Variants in B3GAT2 observed in about 807,000 individuals in gnomAD.
The protein encoded by B3GAT2 is beta-1,3-glucuronyltransferase 2, also known as galactosylgalactosylxylosylprotein 3-beta-glucuronosyltransferase 2.
Under a neutral mutation model 27.8 loss-of-function variants are expected in B3GAT2, and 26 were observed. The observed-to-expected ratio is 0.93, with a 90% CI of 0.68 to 1.30. The LOEUF is 1.30. B3GAT2 is among the 50% of genes most tolerant of loss of function. The pLI is 0.00. For missense variants in B3GAT2, 458 were observed against 459.0 expected (o/e 1.00, Z 0.02); for synonymous variants, 218 against 195.1 (o/e 1.12, Z -0.98).
chr6:70,900,661 C>T (rs985271384), intron 1 of B3GAT2, among the ~76,000 whole-genome samples: 2 of 152,186 alleles, frequency 1.3e-5, no homozygotes, highest in African/African-American at 4.8e-5. Context: ...TCTTTTCGAC[C>T]CTCCTTGGGA....
intron 1 of B3GAT2, among the ~76,000 whole-genome samples, chr6:70,934,103 T>G (rs534964925): frequency 6.6e-6 from 1 of 152,300 alleles, no homozygotes; most frequent in South Asian, 2.1e-4. Context: ...ATGGGAGCCT[T>G]TGGCTCAGTC....
chr6:70,935,551 C>T (rs1246578432), intron 1 of B3GAT2, among the ~76,000 whole-genome samples: 1 of 151,958 alleles, frequency 6.6e-6, no homozygotes, highest in Non-Finnish European at 1.5e-5. Context: ...AAACTGTTAA[C>T]AATATTTATA....
chr6:70,862,025 A>ACTT (rs1393140526), intron 2 of B3GAT2, 47 bp from the exon 3 acceptor site: 3 of 1,516,520 alleles, frequency 2.0e-6, no homozygotes, highest in Admixed American at 4.4e-5. Context: ...ATCCTGGTGT[A>ACTT]CTTCTCTTTT....
intron 1 of B3GAT2, among the ~76,000 whole-genome samples, chr6:70,897,666 A>AT (rs1772412080): frequency 8.7e-5 from 7 of 80,090 alleles, no homozygotes; most frequent in Non-Finnish European, 1.8e-4. Flanking sequence ...TTGAAAAAAA[A>AT]AAAAATATAT....
At chr6:70,945,417 A>T (rs1400368984) in intron 1 of B3GAT2, among the ~76,000 whole-genome samples, 4 of 152,180 alleles carry the variant, frequency 2.6e-5, no homozygotes, top group Non-Finnish European at 5.9e-5. Flanking sequence ...CAAGAACTAC[A>T]TGAAGAATGC....
At chr6:70,930,453 G>A (rs991726823) in intron 1 of B3GAT2, among the ~76,000 whole-genome samples, 13 of 152,006 alleles carry the variant, frequency 8.6e-5, no homozygotes, top group African/African-American at 3.1e-4. Flanking sequence ...TCTGACAAAG[G>A]GCTAATATCC....
chr6:70,938,921 C>T (rs1198063393), intron 1 of B3GAT2, among the ~76,000 whole-genome samples: 3 of 151,628 alleles, frequency 2.0e-5, no homozygotes, highest in African/African-American at 4.8e-5. Context: ...AACTAAAGAG[C>T]TTCTGCACAG....
chr6:70,873,773 A>C (rs1439608498), intron 2 of B3GAT2, among the ~76,000 whole-genome samples: 1 of 152,064 alleles, frequency 6.6e-6, no homozygotes, highest in Non-Finnish European at 1.5e-5. Flanking sequence ...GATCATATCA[A>C]TTTATCTATG....
intron 1 of B3GAT2, among the ~76,000 whole-genome samples, chr6:70,912,225 A>G (rs947641679): frequency 1.3e-4 from 20 of 152,112 alleles, no homozygotes; most frequent in African/African-American, 4.8e-4. Context: ...GAATGCTTCC[A>G]GCTTTTGCTC....
In B3GAT2 at chr6:70,857,144, T is replaced by G; in HGVS notation, c.*4519A>C. Reference sequence around the variant, plus strand: ...TGTTCCATGTAGTGAGTGCTTTTGTTGTTGCAGTTTATACAACTATGAAGC... The same window carrying G: ...TGTTCCATGTAGTGAGTGCTTTTGTGGTTGCAGTTTATACAACTATGAAGC... On this transcript the variant is annotated 3_prime_UTR_variant, in exon 4 of 4. Transcript: ENST00000230053. 2 of 1,084,506 alleles carry G rather than the reference T, an allele frequency of 1.8e-6. No homozygotes were observed. Among genetic ancestry groups the G allele is most frequent in the Non-Finnish European group, 2.5e-6 (2 of 801,584 alleles). The allele number at this position is 1,084,506 out of a possible 1,614,324, so 67.2% of individuals were successfully genotyped here.
At chr6:70,881,501 C>T (rs1772098054) in intron 2 of B3GAT2, among the ~76,000 whole-genome samples, 1 of 152,128 alleles carries the variant, frequency 6.6e-6, no homozygotes, top group Non-Finnish European at 1.5e-5. Context: ...ATTTTAGGTA[C>T]ACCTGTGGCC....
At chr6:70,941,299 T>C (rs1449764747) in intron 1 of B3GAT2, among the ~76,000 whole-genome samples, 1 of 152,176 alleles carries the variant, frequency 6.6e-6, no homozygotes, top group Non-Finnish European at 1.5e-5. Flanking sequence ...CAGTCACCCA[T>C]AGTGGAAAGA....
chr6:70,886,304 A>G (rs1582352695), intron 2 of B3GAT2, among the ~76,000 whole-genome samples: 1 of 152,176 alleles, frequency 6.6e-6, no homozygotes, highest in East Asian at 1.9e-4. Context: ...TAAAACTAGC[A>G]TATCCCTTGC....
intron 1 of B3GAT2, among the ~76,000 whole-genome samples, chr6:70,934,856 C>T: frequency 6.6e-6 from 1 of 152,162 alleles, no homozygotes; most frequent in East Asian, 1.9e-4. Context: ...ATCCATGTCA[C>T]TAAGAAATCT....
rs1765660524 is a variant in B3GAT2 at position 70,956,489 on chromosome 6, G to A, written c.-60C>T. The A allele has an allele frequency of 1.9e-6, 3 of 1,547,050 alleles. No homozygotes were observed. Among genetic ancestry groups the A allele is most frequent in the Non-Finnish European group, 2.6e-6 (3 of 1,145,814 alleles). ...GAGGGGCGAGCCGAGGGACCCCAGT[G>A]CGCAGCTTGGACAGCGGCGGCGCCA... On this transcript the variant is annotated 5_prime_UTR_variant, in exon 1 of 4. Transcript: ENST00000230053.
chr6:70,872,613 C>A (rs1771956055), intron 2 of B3GAT2, among the ~76,000 whole-genome samples: 1 of 150,904 alleles, frequency 6.6e-6, no homozygotes, highest in African/African-American at 2.4e-5. Context: ...TTGTAGACAG[C>A]ATATAGTTGG....
intron 1 of B3GAT2, among the ~76,000 whole-genome samples, chr6:70,921,354 T>C (rs1772867849): frequency 6.6e-6 from 1 of 152,248 alleles, no homozygotes; most frequent in Non-Finnish European, 1.5e-5. Context: ...GATTCTTTCC[T>C]CAGCTTGGTC....
Position 70,858,042 on chromosome 6 carries a change from G to GA in B3GAT2, c.*3620dup. On this transcript the variant is annotated 3_prime_UTR_variant, in exon 4 of 4. Transcript: ENST00000230053. The stretch of plus-strand genomic sequence containing the variant: ...CCTGGCCTTATAGGAAATGTGATGG[G>GA]ACAGAGTCCAAGCATGATGGTGGGC... The GA allele has an allele frequency of 6.2e-7, 1 of 1,614,138 alleles. No individual in the cohort carries two copies. The highest frequency in any genetic ancestry group is 8.5e-7 in the Non-Finnish European group (1 of 1,180,004).
intron 1 of B3GAT2, among the ~76,000 whole-genome samples, chr6:70,907,281 C>G (rs1772617551): frequency 1.3e-5 from 2 of 152,192 alleles, no homozygotes; most frequent in South Asian, 4.1e-4. Flanking sequence ...AAAGTGCCCT[C>G]ACTCCTAAGG....
Sources: gnomAD v4.1 joint callset for allele counts (sites outside exome capture counted in the v4.1 genomes callset) on GRCh38, gnomAD v4.1.1 for gene constraint, MANE v1.5 for transcripts, NCBI Gene and HGNC (gene_info 2026-07-23, HGNC 2026-07-21) for gene names.